The following PAPSS1 variants were observed in gnomAD, a reference collection of about 807,000 sequenced individuals.
The protein encoded by PAPSS1 is 3'-phosphoadenosine 5'-phosphosulfate synthase 1, also known as bifunctional 3'-phosphoadenosine 5'-phosphosulfate synthase 1.
PAPSS1 carries 50 observed loss-of-function variants against 72.0 expected under a neutral mutation model. The ratio of observed to expected loss-of-function variants is 0.69; its 90% CI spans 0.55 to 0.88. The LOEUF (loss-of-function observed/expected upper bound fraction) is 0.88. Among genes scored for constraint, PAPSS1 ranks in the 40% least tolerant of loss-of-function variants. The probability of loss-of-function intolerance (pLI) is 0.00; values close to 1 mark genes in which losing one functional copy is unlikely to be tolerated. For missense variants in PAPSS1, 657 were observed against 782.2 expected, an observed-to-expected ratio of 0.84 and a Z score of 1.91; for synonymous variants, 261 against 263.6, an observed-to-expected ratio of 0.99 and a Z score of 0.09.
rs1237159098 is a variant in PAPSS1 at position 107,614,227 on chromosome 4, G to A, written c.*22C>T. The A allele has an allele frequency of 6.8e-6, 11 of 1,608,614 alleles. No homozygotes were observed. In the African/African-American group the frequency reaches 1.2e-4, roughly 18 times the overall value. Reference sequence around the variant, plus strand: ...TCTTGTTACTAGTAATGTGTCAAAGGTGGAGTGACTGGGTTAACAGCCTAA... The same window carrying A: ...TCTTGTTACTAGTAATGTGTCAAAGATGGAGTGACTGGGTTAACAGCCTAA... On this transcript the variant is annotated 3_prime_UTR_variant, in exon 12 of 12. Transcript: ENST00000265174.
intron 10 of PAPSS1, among the ~76,000 whole-genome samples, chr4:107,641,478 ATTACT>A (rs1427154355): frequency 2.6e-5 from 4 of 152,148 alleles, no homozygotes; most frequent in Non-Finnish European, 5.9e-5. Context: ...TTCTGTTTTT[ATTACT>A]TTAATCACTG....
chr4:107,663,142 G>C (rs924033692), intron 5 of PAPSS1, among the ~76,000 whole-genome samples: 3 of 152,048 alleles, frequency 2.0e-5, no homozygotes, highest in Non-Finnish European at 1.5e-5. Flanking sequence ...ACACTTTCAC[G>C]AGACACTTAA....
At chr4:107,625,141 A>G (rs1463064462) in intron 11 of PAPSS1, among the ~76,000 whole-genome samples, 1 of 152,218 alleles carries the variant, frequency 6.6e-6, no homozygotes, top group Non-Finnish European at 1.5e-5. Flanking sequence ...TAAATTTAGA[A>G]AGAAATCAAA....
intron 1 of PAPSS1, among the ~76,000 whole-genome samples, chr4:107,704,495 T>C (rs1468012559): frequency 6.6e-6 from 1 of 152,244 alleles, no homozygotes; most frequent in African/African-American, 2.4e-5. Flanking sequence ...TTGAACTATG[T>C]AGCCCTTATT....
chr4:107,677,161 C>T (rs973374276), intron 5 of PAPSS1, among the ~76,000 whole-genome samples: 4 of 152,240 alleles, frequency 2.6e-5, no homozygotes, highest in Non-Finnish European at 4.4e-5. Context: ...AAAGCAATGG[C>T]AACAAAAGCC....
At chr4:107,641,771 C>CAGTAGG (rs1227757996) in intron 10 of PAPSS1, among the ~76,000 whole-genome samples, 5 of 152,148 alleles carry the variant, frequency 3.3e-5, no homozygotes, top group Non-Finnish European at 7.3e-5. Context: ...GCCTGTTAGG[C>CAGTAGG]AGTAGGTCAT....
At chr4:107,640,672 C>A (rs2110308823) in intron 10 of PAPSS1, among the ~76,000 whole-genome samples, 1 of 152,290 alleles carries the variant, frequency 6.6e-6, no homozygotes, top group East Asian at 1.9e-4. Flanking sequence ...CTCAATCCAA[C>A]AGCCTAAATA....
At chr4:107,664,399 T>C (rs560170109) in intron 5 of PAPSS1, among the ~76,000 whole-genome samples, 1 of 152,134 alleles carries the variant, frequency 6.6e-6, no homozygotes, top group Non-Finnish European at 1.5e-5. Context: ...ACAAGGCATG[T>C]TTAGCTGGTT....
chr4:107,708,028 AG>A (rs1166114316), intron 1 of PAPSS1, among the ~76,000 whole-genome samples: 1 of 152,204 alleles, frequency 6.6e-6, no homozygotes, highest in Non-Finnish European at 1.5e-5. Flanking sequence ...CTGGGACCAA[AG>A]GGACAATTTG....
intron 9 of PAPSS1, among the ~76,000 whole-genome samples, chr4:107,650,932 T>C (rs985225497): frequency 2.6e-5 from 4 of 152,170 alleles, no homozygotes; most frequent in African/African-American, 9.7e-5. Flanking sequence ...TAGATCTCAA[T>C]GGCCAGAAAT....
intron 10 of PAPSS1, among the ~76,000 whole-genome samples, chr4:107,639,185 T>C (rs1726471149): frequency 7.0e-6 from 1 of 143,478 alleles, no homozygotes; most frequent in Non-Finnish European, 1.5e-5. Flanking sequence ...TGACATTTTT[T>C]CCCTATGAAA....
intron 5 of PAPSS1, among the ~76,000 whole-genome samples, chr4:107,675,600 G>A (rs1459524550): frequency 6.6e-6 from 1 of 152,148 alleles, no homozygotes; most frequent in Non-Finnish European, 1.5e-5. Flanking sequence ...AATTCTACCA[G>A]AGGTACAAGG....
chr4:107,673,726 A>C (rs1288986600), intron 5 of PAPSS1, among the ~76,000 whole-genome samples: 2 of 152,078 alleles, frequency 1.3e-5, no homozygotes, highest in Non-Finnish European at 2.9e-5. Flanking sequence ...CAGAAGAGCA[A>C]CTCCAAGACA....
rs577187310 is a variant in PAPSS1 at position 107,618,755 on chromosome 4, G to C, written c.1737-4368C>G. Among the ~76,000 whole-genome samples the C allele has an allele frequency of 9.2e-5, 14 of 152,200 alleles. No individual in the cohort carries two copies. In the East Asian group the frequency reaches 2.7e-3, roughly 29 times the overall value. On this transcript the variant is annotated intron_variant, in intron 11 of 11. Coordinates refer to ENST00000265174, the MANE Select transcript of PAPSS1 (RefSeq NM_005443.5). The stretch of plus-strand genomic sequence containing the variant: ...AAATAATCCATCCATGCAGTTAGTT[G>C]ACTTTATCTCCAGGCCAGAGAGGTT...
chr4:107,706,800 A>G (rs2522429), intron 1 of PAPSS1, among the ~76,000 whole-genome samples: 126,202 of 152,230 alleles, frequency 0.83, 54,042 homozygotes, highest in South Asian at 0.95. Context: ...CCAATCTGGG[A>G]AGGCCATCTG....
At chr4:107,666,392 G>A (rs950979288) in intron 5 of PAPSS1, among the ~76,000 whole-genome samples, 1 of 152,138 alleles carries the variant, frequency 6.6e-6, no homozygotes, top group African/African-American at 2.4e-5. Flanking sequence ...ATCCTGATTT[G>A]TTAGTGTTTT....
intron 2 of PAPSS1, among the ~76,000 whole-genome samples, chr4:107,700,658 G>A (rs1723181063): frequency 1.3e-5 from 2 of 152,140 alleles, no homozygotes; most frequent in African/African-American, 4.8e-5. Flanking sequence ...TCTATAAAAG[G>A]GATTGAGGCT....
intron 5 of PAPSS1, among the ~76,000 whole-genome samples, chr4:107,675,921 C>G (rs1484390761): frequency 6.6e-6 from 1 of 152,116 alleles, no homozygotes; most frequent in Non-Finnish European, 1.5e-5. Context: ...TAAACAGAAC[C>G]AAAGACAAAA....
At chr4:107,682,313 T>C (rs750022075) in intron 4 of PAPSS1, among the ~76,000 whole-genome samples, 180 bp from the exon 5 acceptor site, 22 of 152,104 alleles carry the variant, frequency 1.4e-4, no homozygotes, top group Non-Finnish European at 2.8e-4. Flanking sequence ...TTTCCTGCAC[T>C]GGGGGCCATT....
Sources: allele counts gnomAD v4.1 joint callset (sites outside exome capture counted in the v4.1 genomes callset), GRCh38; gene constraint gnomAD v4.1.1; transcripts MANE v1.5; gene names NCBI Gene and HGNC (gene_info 2026-07-23, HGNC 2026-07-21).